Variants in ANK2 observed in about 807,000 individuals in gnomAD.
The protein encoded by ANK2 is ankyrin-2.
Under a neutral mutation model 360.5 loss-of-function variants are expected in ANK2, and 83 were observed. The ratio of observed to expected loss-of-function variants is 0.23; its 90% confidence interval spans 0.19 to 0.28. The LOEUF (loss-of-function observed/expected upper bound fraction) is 0.28, where lower values mean the gene tolerates loss of function less well. Among genes scored for constraint, ANK2 ranks in the 10% least tolerant of loss-of-function variants. The pLI is 1.00. For missense variants in ANK2, 4,201 were observed against 4,795.7 expected (o/e 0.88, Z 3.66); for synonymous variants, 1,740 against 1,759.5 (o/e 0.99, Z 0.28).
intron 1 of ANK2, among the ~76,000 whole-genome samples, chr4:112,903,435 G>A (rs1474961064): frequency 2.0e-5 from 3 of 152,172 alleles, no homozygotes; most frequent in Non-Finnish European, 4.4e-5. Flanking sequence ...CTAAGCCATT[G>A]CATCATTTCT....
At chr4:112,804,200 TTAGTAGAG>T in the ANK2 span, among the ~76,000 whole-genome samples, 1 of 152,138 alleles carries the variant, frequency 6.6e-6, no homozygotes, top group Non-Finnish European at 1.5e-5. Flanking sequence ...TTTTGTATTT[TTAGTAGAG>T]ACGGGGTTTC....
At chr4:113,256,728 C>A (rs2049597248) in intron 11 of ANK2, among the ~76,000 whole-genome samples, 1 of 152,082 alleles carries the variant, frequency 6.6e-6, no homozygotes, top group Admixed American at 6.5e-5. Context: ...GGTCTTCAAA[C>A]AATCAGTATT....
chr4:113,179,029 C>T (rs768806699), intron 2 of ANK2, among the ~76,000 whole-genome samples: 4 of 152,088 alleles, frequency 2.6e-5, no homozygotes, highest in Non-Finnish European at 5.9e-5. Context: ...TAGGTGGTTA[C>T]AGGATCTTTT....
chr4:112,830,208 A>G (rs778540170), intron 1 of ANK2, among the ~76,000 whole-genome samples: 27 of 152,230 alleles, frequency 1.8e-4, no homozygotes, highest in Non-Finnish European at 3.5e-4. Flanking sequence ...ACATATGTTC[A>G]TTGCAGCACT....
chr4:113,077,391 T>G (rs556418830), intron 1 of ANK2, among the ~76,000 whole-genome samples: 1 of 152,308 alleles, frequency 6.6e-6, no homozygotes, highest in South Asian at 2.1e-4. Context: ...ACTTTCTGTA[T>G]AGTCCAAAAT....
In ANK2 at chr4:113,014,530, C is replaced by T. The variant is rs116413428; in HGVS notation, c.21+110016C>T. On this transcript the variant is annotated intron_variant, in intron 2 of 30. Coordinates refer to the ANK2 transcript ENST00000503271. ...AACCCGGATCTACCTACAGAGCCAG[C>T]TCTTAAAACAACTGTGCTTTATTCT... 5.7e-3 allele frequency among the ~76,000 whole-genome samples: 873 copies of T among 152,282 alleles called. 10 individuals carry two copies. Among genetic ancestry groups the T allele is most frequent in the African/African-American group, 0.02 (819 of 41,548 alleles).
chr4:113,328,126 C>T (rs1042104753), intron 26 of ANK2, among the ~76,000 whole-genome samples: 1 of 152,050 alleles, frequency 6.6e-6, no homozygotes, highest in African/African-American at 2.4e-5. Context: ...ACAACATGAG[C>T]GTGGAAACTT....
At chr4:112,949,119 G>C (rs1220213532) in intron 2 of ANK2, among the ~76,000 whole-genome samples, 1 of 152,082 alleles carries the variant, frequency 6.6e-6, no homozygotes, top group Non-Finnish European at 1.5e-5. Context: ...CAGTGTTCTT[G>C]GGCTGTGCCT....
upstream of ANK2, among the ~76,000 whole-genome samples, chr4:112,817,745 C>T (rs2055801712): frequency 6.6e-6 from 1 of 152,052 alleles, no homozygotes; most frequent in South Asian, 2.1e-4. Context: ...GATGAAATCA[C>T]TCCCACGGCA....
upstream of ANK2, among the ~76,000 whole-genome samples, chr4:112,815,859 A>T (rs1243984930): frequency 6.6e-6 from 1 of 152,100 alleles, no homozygotes; most frequent in African/African-American, 2.4e-5. Flanking sequence ...ACACTTGGAG[A>T]CCTCACCTTA....
At chr4:113,166,425 A>G (rs1681185704) in intron 1 of ANK2, among the ~76,000 whole-genome samples, 1 of 152,090 alleles carries the variant, frequency 6.6e-6, no homozygotes. Flanking sequence ...TTACACTCAT[A>G]TAAGTGTGTA....
At chr4:112,709,392 ATG>A in the ANK2 span, among the ~76,000 whole-genome samples, 5 of 152,232 alleles carry the variant, frequency 3.3e-5, no homozygotes, top group African/African-American at 1.2e-4. Flanking sequence ...TATGACTCTT[ATG>A]GCCATTTCCA....
intron 1 of ANK2, among the ~76,000 whole-genome samples, chr4:112,893,196 A>G (rs953594427): frequency 5.9e-5 from 9 of 152,302 alleles, no homozygotes; most frequent in African/African-American, 2.2e-4. Context: ...AGTATTTGGG[A>G]AAGTGCATTA....
chr4:112,736,188 C>T, the ANK2 span, among the ~76,000 whole-genome samples: 4 of 152,058 alleles, frequency 2.6e-5, no homozygotes, highest in African/African-American at 7.2e-5. Flanking sequence ...CAGGGCTGGG[C>T]GCGGTGGCTC....
At chr4:112,906,998 T>G (rs1441891871) in intron 2 of ANK2, among the ~76,000 whole-genome samples, 1 of 152,224 alleles carries the variant, frequency 6.6e-6, no homozygotes, top group Non-Finnish European at 1.5e-5. Context: ...GTATGTGTCC[T>G]AATAAGAGCA....
At chr4:112,978,488 T>A (rs2042129106) in intron 2 of ANK2, among the ~76,000 whole-genome samples, 1 of 152,216 alleles carries the variant, frequency 6.6e-6, no homozygotes, top group Non-Finnish European at 1.5e-5. Flanking sequence ...AGTTTCCCGC[T>A]TTTCTTAGTC....
Position 113,355,257 on chromosome 4 carries a change from T to C in ANK2, c.6639T>C (p.Ser2213=). 6.2e-7 allele frequency: 1 copy of C among 1,614,052 alleles called. No homozygotes were observed. Among genetic ancestry groups the C allele is most frequent in the Non-Finnish European group, 8.5e-7 (1 of 1,179,956 alleles). The stretch of plus-strand genomic sequence containing the variant: ...TAAAGAATGAGGGGGTAGCCGGCTC[T>C]CCGTGTGGCAGCCTGATGGAGGGGA... ...ESLKNEGVAG[S]PCGSLMEGTP... Residue 2213 remains serine, a synonymous_variant, in exon 38 of 46, where the codon TCT becomes TCC. Transcript: ENST00000357077.
chr4:113,008,589 G>A (rs2053688328), intron 2 of ANK2, among the ~76,000 whole-genome samples: 1 of 152,072 alleles, frequency 6.6e-6, no homozygotes, highest in African/African-American at 2.4e-5. Context: ...TAAGCCTTTG[G>A]TATGTGGTGT....
chr4:113,173,108 A>T (rs1220030143), intron 1 of ANK2, among the ~76,000 whole-genome samples: 3 of 152,246 alleles, frequency 2.0e-5, no homozygotes, highest in Middle Eastern at 3.2e-3. Context: ...CACACCTTTC[A>T]ACTCTTAATA....
Sources: allele counts gnomAD v4.1 joint callset (sites outside exome capture counted in the v4.1 genomes callset), GRCh38; gene constraint gnomAD v4.1.1; transcripts MANE v1.5; gene names NCBI Gene and HGNC (gene_info 2026-07-23, HGNC 2026-07-21).